The following FNDC1 variants were observed in gnomAD, a reference collection of about 807,000 sequenced individuals.
FNDC1 encodes the protein fibronectin type III domain-containing protein 1.
In FNDC1, 96 loss-of-function variants were observed where a neutral mutation model predicts 168.0. The ratio of observed to expected loss-of-function variants is 0.57; its 90% CI spans 0.48 to 0.68. FNDC1 has a LOEUF of 0.68. Ranked by LOEUF, FNDC1 falls within the 30% of genes least tolerant of loss-of-function variation. FNDC1 has a pLI of 0.00. For synonymous variants in FNDC1, 1,099 were observed against 1,025.9 expected (o/e 1.07, Z -1.36); for missense variants, 2,587 against 2,482.1 (o/e 1.04, Z -0.90).
chr6:159,214,919 C>T, intron 4 of FNDC1, 26 bp from the exon 5 acceptor site: 1 of 1,611,398 alleles, frequency 6.2e-7, no homozygotes, highest in Non-Finnish European at 8.5e-7. Context: ...ACTGTCTAAC[C>T]ACTTTTGTGT....
chr6:159,177,686 C>A (rs1781793297), intron 1 of FNDC1, among the ~76,000 whole-genome samples: 1 of 152,136 alleles, frequency 6.6e-6, no homozygotes, highest in South Asian at 2.1e-4. Context: ...AATAAAATCC[C>A]CCTGCAGAGA....
rs1356597984 is a variant in FNDC1, at chr6:159,233,064, C to A, written c.2552C>A (p.Ser851Ter). Residue 851 changes from serine to a stop codon, truncating the protein, a stop_gained, in exon 11 of 23, where the codon TCG (serine) becomes TAG (stop). Coordinates refer to ENST00000297267, the MANE Select transcript of FNDC1 (RefSeq NM_032532.3). LOFTEE classifies it high-confidence loss of function. This position sits in a 1 kb window ranked among gnomAD's most constrained non-coding sequence, Gnocchi z 4.6. ...PRLQPSSSPQSTVPSRAHPRV... is the reference protein window; with the variant it reads ...PRLQPSSSPQ Reference sequence around the variant, plus strand: ...CTGCAGCCCTCCAGCTCCCCACAGTCGACTGTGCCCTCCCGAGCCCACCCC... The same window carrying A: ...CTGCAGCCCTCCAGCTCCCCACAGTAGACTGTGCCCTCCCGAGCCCACCCC... 6.2e-7 allele frequency: 1 copy of A among 1,608,884 alleles called. No homozygotes were observed. The highest frequency in any genetic ancestry group is 1.1e-5 in the South Asian group (1 of 89,722).
At chr6:159,195,206 G>T (rs1207997869) in intron 1 of FNDC1, among the ~76,000 whole-genome samples, 3 of 152,102 alleles carry the variant, frequency 2.0e-5, no homozygotes, top group Non-Finnish European at 2.9e-5. Context: ...ACTCTCTAAG[G>T]CTTAAATTGT....
At position 159,267,805 on chromosome 6, in the gene FNDC1, T is replaced by C. The variant is rs1777620545; in HGVS notation, c.5448T>C (p.Asp1816=). 4 of 1,613,682 alleles carry C rather than the reference T, an allele frequency of 2.5e-6. No individual in the cohort carries two copies. Among genetic ancestry groups the C allele is most frequent in the Non-Finnish European group, 3.4e-6 (4 of 1,179,822 alleles). The change falls in exon 22 of 23, where the codon GAT becomes GAC. Residue 1816 remains aspartate (D), a splice_region_variant and synonymous_variant. Coordinates refer to ENST00000297267, the MANE Select transcript of FNDC1 (RefSeq NM_032532.3). ...GACTCAATCAATTCCTTCATGCAGA[T>C]ACATTCTACAGCATTGGAGACAGCT... ...YKIYLSDNLK[D]TFYSIGDSWG... is the part of the protein sequence containing the mutation.
At chr6:159,213,162 G>T (rs1240119576) in intron 4 of FNDC1, among the ~76,000 whole-genome samples, 1 of 152,224 alleles carries the variant, frequency 6.6e-6, no homozygotes, top group African/African-American at 2.4e-5. Flanking sequence ...TCTCATTCTA[G>T]GTTGGACAGC....
At chr6:159,182,008 G>T (rs1781890509) in intron 1 of FNDC1, among the ~76,000 whole-genome samples, 1 of 152,110 alleles carries the variant, frequency 6.6e-6, no homozygotes, top group Non-Finnish European at 1.5e-5. Flanking sequence ...CTGATAGCCT[G>T]GGAGAATTGA....
intron 10 of FNDC1, among the ~76,000 whole-genome samples, chr6:159,230,447 C>G (rs555426612): frequency 6.6e-6 from 1 of 152,288 alleles, no homozygotes; most frequent in South Asian, 2.1e-4. Flanking sequence ...TATTCACTGG[C>G]TGGGAGATGG....
intron 10 of FNDC1, among the ~76,000 whole-genome samples, chr6:159,231,590 T>C (rs1422601869): frequency 6.6e-6 from 1 of 152,254 alleles, no homozygotes; most frequent in Non-Finnish European, 1.5e-5. Context: ...TACTTCAAAG[T>C]ACTCATTTCA....
At chr6:159,211,363 A>G (rs556809650) in intron 4 of FNDC1, among the ~76,000 whole-genome samples, 40 of 152,362 alleles carry the variant, frequency 2.6e-4, no homozygotes, top group Middle Eastern at 3.4e-3. Context: ...GCCAACAGAA[A>G]GTAGCCGCCA....
rs775610995 is a variant in FNDC1 at position 159,249,179 on chromosome 6, G to A, written c.4831G>A (p.Val1611Ile). The change falls in exon 16 of 23, where the codon GTT becomes ATT. Residue 1611 changes from valine (V) to isoleucine (I), a missense_variant. Transcript: ENST00000297267. ...EFDLAGRKRF[V>I]APYVTYLNKD... ...TGATCTGGCTGGAAGGAAACGATTT[G>A]TTGGTAAATATAATGTCCTTAATCA... 12 of 1,608,854 alleles carry A rather than the reference G, an allele frequency of 7.5e-6. No homozygotes were observed. Among genetic ancestry groups the A allele is most frequent in the African/African-American group, 2.7e-5 (2 of 74,736 alleles).
chr6:159,269,349 T>C (rs751149393), intron 22 of FNDC1, among the ~76,000 whole-genome samples: 1,429 of 32,192 alleles, frequency 0.044, 73 homozygotes, highest in Non-Finnish European at 0.09. Flanking sequence ...ATCTATCCAT[T>C]TGTTTATCTA....
rs114931185 is a variant in FNDC1 at position 159,188,124 on chromosome 6, C to T, written c.110-9307C>T. On this transcript the variant is annotated intron_variant, in intron 1 of 22. Transcript: ENST00000297267. ...AACAAAGATGAAGTAGGGAGACTTA[C>T]GTAAGCATGAAGGGTTTGTTGCATT... is the stretch of plus-strand genomic sequence containing the variant. Among the ~76,000 whole-genome samples the T allele has an allele frequency of 2.9e-3, 442 of 152,304 alleles. 2 individuals are homozygous for T. The highest frequency in any genetic ancestry group is 0.01 in the African/African-American group (422 of 41,570).
intron 14 of FNDC1, among the ~76,000 whole-genome samples, chr6:159,243,636 C>T (rs1266342086): frequency 6.6e-6 from 1 of 152,102 alleles, no homozygotes. Context: ...AAGCTTTTCA[C>T]ATTGGTGCTG....
intron 4 of FNDC1, among the ~76,000 whole-genome samples, chr6:159,210,684 G>T (rs1368545415): frequency 6.6e-6 from 1 of 152,252 alleles, no homozygotes; most frequent in Non-Finnish European, 1.5e-5. Context: ...ATGCAGGCTC[G>T]GGTGGCGTTT....
intron 8 of FNDC1, among the ~76,000 whole-genome samples, chr6:159,226,172 A>C: frequency 6.6e-6 from 1 of 152,218 alleles, no homozygotes; most frequent in Non-Finnish European, 1.5e-5. Context: ...AGTTTCATTA[A>C]GAAGAAGTTG....
Position 159,231,870 on chromosome 6 carries a change from A to C in FNDC1, c.1370-12A>C. On this transcript the variant is annotated splice_polypyrimidine_tract_variant and intron_variant, in intron 10 of 22. Coordinates refer to ENST00000297267, the MANE Select transcript of FNDC1 (RefSeq NM_032532.3). ...TCTTCTTTGACAGGCAATTCTTTAA[A>C]ATCTGTTGCAGCCAGTAAGGCGGAT... The C allele has an allele frequency of 1.9e-6, 3 of 1,569,188 alleles. No homozygotes were observed. Among genetic ancestry groups the C allele is most frequent in the Non-Finnish European group, 2.6e-6 (3 of 1,163,400 alleles).
chr6:159,269,595 CTGT>C (rs1777697887), intron 22 of FNDC1, among the ~76,000 whole-genome samples: 11 of 79,646 alleles, frequency 1.4e-4, no homozygotes, highest in Admixed American at 1.3e-3. Flanking sequence ...GTCTGTCTGT[CTGT>C]CTATCTATCT....
chr6:159,233,228 T>C lies in FNDC1; in HGVS notation c.2716T>C (p.Trp906Arg). The change falls in exon 11 of 23, where the codon TGG becomes CGG. Residue 906 changes from tryptophan (W) to arginine (R), a missense_variant. Transcript: ENST00000297267. The surrounding 1 kb of genome is among the most constrained non-coding windows in gnomAD (Gnocchi z 4.6). ...CTCCAGGCAGCCCATCTCCCGGGGC[T>C]GGGAGGACTTAAGGAGAAGCCCGCA... ...SSSRQPISRG[W>R]EDLRRSPQRG... is the part of the protein sequence containing the mutation. 6.2e-7 allele frequency: 1 copy of C among 1,613,748 alleles called. No individual in the cohort carries two copies. Among genetic ancestry groups the C allele is most frequent in the Non-Finnish European group, 8.5e-7 (1 of 1,179,828 alleles).
chr6:159,197,564 GA>G lies in FNDC1; in HGVS notation c.247del (p.Ser83ValfsTer7). ...ACAACATTGCCTATGGGAAGTCACTGAAAAGTCTTAAATACATCAAGGTGAA... is the reference window on the plus strand; with the variant it reads ...ACAACATTGCCTATGGGAAGTCACTGAAAGTCTTAAATACATCAAGGTGAA... ...HYNIAYGKSLKSLKYIKVNAE... is the reference protein window; with the variant it reads ...HYNIAYGKSLXSLKYIKVNAE... On this transcript the variant is annotated frameshift_variant, in exon 2 of 23. Transcript: ENST00000297267. LOFTEE classifies it high-confidence loss of function. The G allele has an allele frequency of 1.2e-6, 2 of 1,613,966 alleles. No homozygotes were observed. The highest frequency in any genetic ancestry group is 1.7e-6 in the Non-Finnish European group (2 of 1,179,884).
Sources: gnomAD v4.1 joint callset for allele counts (sites outside exome capture counted in the v4.1 genomes callset) on GRCh38, gnomAD v4.1.1 for gene constraint, Gnocchi (gnomAD v3.1) non-coding constraint, MANE v1.5 for transcripts, NCBI Gene and HGNC (gene_info 2026-07-23, HGNC 2026-07-21) for gene names.